MYL1: variants seen among roughly 807,000 people sequenced by gnomAD.
The protein encoded by MYL1 is myosin light chain 1/3, skeletal muscle isoform.
A neutral mutation model predicts 21.8 loss-of-function variants in MYL1; 16 were observed. The observed-to-expected ratio is 0.74, with a 90% CI of 0.50 to 1.12. The LOEUF (loss-of-function observed/expected upper bound fraction) is 1.12. Among genes scored for constraint, MYL1 ranks in the 50% most tolerant of loss-of-function variants. The pLI is 0.00. For missense variants in MYL1, 246 were observed against 241.0 expected, an observed-to-expected ratio of 1.02 and a Z score of -0.14; for synonymous variants, 99 against 85.2, an observed-to-expected ratio of 1.16 and a Z score of -0.89.
At chr2:210,295,881 G>A (rs1057432389) in intron 3 of MYL1, among the ~76,000 whole-genome samples, 8 of 150,608 alleles carry the variant, frequency 5.3e-5, no homozygotes, top group Non-Finnish European at 1.5e-5. Flanking sequence ...TTGCCCTATT[G>A]CTTGCTCACT....
At position 210,307,831 on chromosome 2, in the gene MYL1, G is replaced by T. The variant is rs1363441866; in HGVS notation, c.133-5316C>A. Among the ~76,000 whole-genome samples the T allele has an allele frequency of 3.9e-5, 6 of 152,004 alleles. No individual in the cohort carries two copies. The East Asian group carries it at 9.7e-4, about 25-fold the overall frequency. On this transcript the variant is annotated intron_variant, in intron 1 of 6. Coordinates refer to ENST00000352451, the MANE Select transcript of MYL1 (RefSeq NM_079420.3). ...TAAACATCAGATAATGTATATATTA[G>T]GTTGGTGCAAAAGTAATTGCGGCTT... is the stretch of plus-strand genomic sequence containing the variant.
intron 1 of MYL1, chr2:210,302,917 G>T: frequency 1.1e-6 from 1 of 937,968 alleles, no homozygotes; most frequent in East Asian, 2.7e-5. Flanking sequence ...GGCATTAGAA[G>T]GTTGCCTTAG....
chr2:210,301,322 G>T (rs1341400998), intron 2 of MYL1, among the ~76,000 whole-genome samples: 1 of 151,908 alleles, frequency 6.6e-6, no homozygotes, highest in African/African-American at 2.4e-5. Flanking sequence ...TCTACATGAG[G>T]CCATCAACCA....
At chr2:210,302,755 T>G (rs930305614) in intron 1 of MYL1, 5 of 1,565,720 alleles carry the variant, frequency 3.2e-6, no homozygotes, top group Non-Finnish European at 4.3e-6. Flanking sequence ...GCAGACAAAC[T>G]CAATTCACTT....
At chr2:210,293,672 C>G in intron 5 of MYL1, 51 bp downstream of exon 5, 1 of 1,494,030 alleles carries the variant, frequency 6.7e-7, no homozygotes. Flanking sequence ...AGCCCATCAT[C>G]AATCTGATCA....
intron 1 of MYL1, among the ~76,000 whole-genome samples, chr2:210,310,424 C>T (rs1324685462): frequency 6.6e-6 from 1 of 151,938 alleles, no homozygotes; most frequent in Non-Finnish European, 1.5e-5. Context: ...AAATAGAGAT[C>T]TCATACCCTC....
At chr2:210,298,198 A>T (rs1319263497) in intron 3 of MYL1, among the ~76,000 whole-genome samples, 1 of 152,084 alleles carries the variant, frequency 6.6e-6, no homozygotes, top group Non-Finnish European at 1.5e-5. Context: ...AACTTATTTT[A>T]TAAAGCAAAA....
intron 2 of MYL1, among the ~76,000 whole-genome samples, chr2:210,302,050 T>C (rs1448429792): frequency 6.6e-6 from 1 of 152,144 alleles, no homozygotes; most frequent in African/African-American, 2.4e-5. Context: ...ATGTTATCCA[T>C]TGAAATGATA....
intron 3 of MYL1, among the ~76,000 whole-genome samples, chr2:210,295,838 A>AAAG (rs1559659835): frequency 1.3e-5 from 2 of 151,616 alleles, no homozygotes; most frequent in Admixed American, 6.6e-5. Context: ...AAAAAAAAAA[A>AAAG]AAAAAGAAAG....
chr2:210,300,643 A>G (rs1468856218), intron 2 of MYL1, among the ~76,000 whole-genome samples: 1 of 152,192 alleles, frequency 6.6e-6, no homozygotes, highest in Non-Finnish European at 1.5e-5. Flanking sequence ...AAAGGTGGCT[A>G]TTAACTGTTG....
Position 210,293,777 on chromosome 2 carries a change from C to A in MYL1, c.502G>T (p.Val168Leu). The A allele has an allele frequency of 6.2e-7, 1 of 1,614,070 alleles. No homozygotes were observed. The highest frequency in any genetic ancestry group is 1.3e-5 in the African/African-American group (1 of 75,052). Residue 168 changes from valine (V) to leucine (L), a missense_variant, in exon 5 of 7, where the codon GTG becomes TTG. By Grantham distance (32) the Val-to-Leu change is conservative. Transcript: ENST00000352451. The part of the protein sequence containing the change: ...TLGEKMKEEE[V>L]EALMAGQEDS... ...TCTTGACCTGCCATCAGGGCTTCCA[C>A]TTCTTCCTCTTTCATCTTTTCACCT...
At chr2:210,293,457 C>T (rs920665884) in intron 5 of MYL1, among the ~76,000 whole-genome samples, 12 of 152,278 alleles carry the variant, frequency 7.9e-5, no homozygotes, top group Middle Eastern at 3.4e-3. Flanking sequence ...TCAGCCCTGT[C>T]TAACTCATAG....
chr2:210,298,574 C>T lies in MYL1; in HGVS notation c.161-11G>A, dbSNP rs377360742. Reference sequence around the variant, plus strand: ...ATGCCTCCTTGAATTCTGCAAAAAGCAAGAAGCATTAGAGTGCTCTTTTCT... The same window carrying T: ...ATGCCTCCTTGAATTCTGCAAAAAGTAAGAAGCATTAGAGTGCTCTTTTCT... On this transcript the variant is annotated splice_polypyrimidine_tract_variant and intron_variant, in intron 2 of 6. Coordinates refer to ENST00000352451, the MANE Select transcript of MYL1 (RefSeq NM_079420.3). The T allele has an allele frequency of 3.1e-6, 5 of 1,613,596 alleles. No individual in the cohort carries two copies. The highest frequency in any genetic ancestry group is 2.7e-5 in the African/African-American group (2 of 74,890).
rs1690139608 is a variant in MYL1, at chr2:210,294,388, T to C, written c.335A>G (p.Gln112Arg). ...ELNAKKIEFE[Q>R]FLPMMQAISN... is the part of the protein sequence containing the mutation. ...AATGGCTTGCATCATAGGCAGAAAT[T>C]GTTCAAACTCAATTTTCTTGGCATT... The change falls in exon 4 of 7, where the codon CAA (glutamine) becomes CGA (arginine). Residue 112 changes from glutamine (Q) to arginine (R), a missense_variant. By Grantham distance (43) the Gln-to-Arg change is conservative. Transcript: ENST00000352451. 1 of 1,613,840 alleles carries C rather than the reference T, an allele frequency of 6.2e-7. No individual in the cohort carries two copies. The highest frequency in any genetic ancestry group is 1.1e-5 in the South Asian group (1 of 91,062).
intron 1 of MYL1, among the ~76,000 whole-genome samples, chr2:210,314,201 TA>T (rs1690456541): frequency 6.6e-5 from 10 of 152,196 alleles, no homozygotes; most frequent in Admixed American, 6.5e-4. Context: ...AGACATAAGC[TA>T]AAAGCCATGT....
At chr2:210,291,558 C>T (rs910148982) in intron 5 of MYL1, among the ~76,000 whole-genome samples, 9 of 152,134 alleles carry the variant, frequency 5.9e-5, no homozygotes, top group Non-Finnish European at 1.3e-4. Context: ...TATACAAGAC[C>T]ACATAAATAT....
chr2:210,301,713 G>A (rs1042906079), intron 2 of MYL1, among the ~76,000 whole-genome samples: 2 of 152,088 alleles, frequency 1.3e-5, no homozygotes, highest in Non-Finnish European at 2.9e-5. Flanking sequence ...TGGAGTATGG[G>A]ATCTGTTGGA....
At chr2:210,297,523 T>A (rs576652900) in intron 3 of MYL1, among the ~76,000 whole-genome samples, 15,463 of 151,722 alleles carry the variant, frequency 0.1, 898 homozygotes, top group African/African-American at 0.15. Context: ...TCGTGGGTTT[T>A]TTTTTTTGGC....
chr2:210,292,562 T>A (rs2125738226), intron 5 of MYL1, among the ~76,000 whole-genome samples: 1 of 152,264 alleles, frequency 6.6e-6, no homozygotes, highest in East Asian at 1.9e-4. Flanking sequence ...ATTGAATTTT[T>A]TTTTTTTCTG....
Sources: allele counts gnomAD v4.1 joint callset (sites outside exome capture counted in the v4.1 genomes callset), GRCh38; gene constraint gnomAD v4.1.1; transcripts MANE v1.5; gene names NCBI Gene and HGNC (gene_info 2026-07-23, HGNC 2026-07-21).